SLC36A1: variants seen among roughly 807,000 people sequenced by gnomAD.
SLC36A1 encodes the protein proton-coupled amino acid transporter 1.
A neutral mutation model predicts 47.5 loss-of-function variants in SLC36A1; 30 were observed. The observed-to-expected ratio is 0.63, with a 90% CI of 0.47 to 0.86. The LOEUF (loss-of-function observed/expected upper bound fraction) is 0.86. Ranked by LOEUF, SLC36A1 falls within the 40% of genes least tolerant of loss-of-function variation. SLC36A1 has a pLI of 0.00. For missense variants in SLC36A1, 517 were observed against 606.0 expected (o/e 0.85, Z 1.54); for synonymous variants, 255 against 249.7 (o/e 1.02, Z -0.20).
the SLC36A1 span, chr5:151,549,283 C>T: frequency 1.2e-6 from 2 of 1,611,586 alleles, no homozygotes; most frequent in South Asian, 1.1e-5. Flanking sequence ...AGCTCATGGC[C>T]AGGCCTCTCA....
At chr5:151,495,951 A>G (rs992608346), downstream of SLC36A1, among the ~76,000 whole-genome samples, 43 of 152,200 alleles carry the variant, frequency 2.8e-4, no homozygotes, top group Non-Finnish European at 1.5e-5. Flanking sequence ...TTTAGTTATT[A>G]CAAATAAAGT....
the SLC36A1 span, chr5:151,537,833 A>T: frequency 6.2e-7 from 1 of 1,614,176 alleles, no homozygotes. Context: ...CCCCAGGGCC[A>T]TGCAGAGAAT....
chr5:151,413,081 A>C, the SLC36A1 span, among the ~76,000 whole-genome samples: 1 of 148,516 alleles, frequency 6.7e-6, no homozygotes, highest in African/African-American at 2.5e-5. Context: ...GAGGGCAGGA[A>C]CTTTATCTGA....
the SLC36A1 span, among the ~76,000 whole-genome samples, chr5:151,373,070 T>A: frequency 6.6e-6 from 1 of 151,366 alleles, no homozygotes; most frequent in Non-Finnish European, 1.5e-5. Flanking sequence ...ATAAAATAAA[T>A]ATTTGAAGAA....
chr5:151,469,206 T>C, intron 7 of SLC36A1: 1 of 696,218 alleles, frequency 1.4e-6, no homozygotes, highest in African/African-American at 1.7e-5. Context: ...GAGTCTCCTC[T>C]CAGGGACCCG....
chr5:151,496,686 G>C (rs991769667), downstream of SLC36A1, among the ~76,000 whole-genome samples: 5 of 152,174 alleles, frequency 3.3e-5, no homozygotes, highest in Non-Finnish European at 5.9e-5. Context: ...CTCTCGAGTA[G>C]CTGGGACTAC....
the SLC36A1 span, chr5:151,534,678 G>T: frequency 8.9e-6 from 14 of 1,568,066 alleles, no homozygotes; most frequent in Admixed American, 1.3e-4. Context: ...AGCTTTCTCT[G>T]GGGAAATATT....
chr5:151,433,287 T>A (rs1215172974), upstream of SLC36A1, among the ~76,000 whole-genome samples: 4 of 65,620 alleles, frequency 6.1e-5, no homozygotes, highest in African/African-American at 2.2e-4. Flanking sequence ...TTTTTTTTTT[T>A]TTTTTTTTTT....
At chr5:151,415,134 T>C in the SLC36A1 span, among the ~76,000 whole-genome samples, 37 of 152,280 alleles carry the variant, frequency 2.4e-4, no homozygotes, top group Middle Eastern at 3.4e-3. Context: ...TGACACTGAA[T>C]ACTCTGCTTG....
At chr5:151,436,049 G>T (rs1055703183), upstream of SLC36A1, among the ~76,000 whole-genome samples, 3 of 151,712 alleles carry the variant, frequency 2.0e-5, no homozygotes, top group Admixed American at 6.6e-5. Flanking sequence ...CACCTACTAT[G>T]TAATAGGCAA....
the SLC36A1 span, chr5:151,506,093 G>T: frequency 6.6e-7 from 1 of 1,513,802 alleles, no homozygotes; most frequent in Non-Finnish European, 8.8e-7. Context: ...CTCCGCCAGG[G>T]TACACTGAAA....
chr5:151,535,667 CG>C, the SLC36A1 span, among the ~76,000 whole-genome samples: 1 of 152,150 alleles, frequency 6.6e-6, no homozygotes, highest in African/African-American at 2.4e-5. Flanking sequence ...AAGAAGGAGT[CG>C]TGGGAGCCCC....
chr5:151,390,215 G>A, the SLC36A1 span, among the ~76,000 whole-genome samples: 1 of 152,166 alleles, frequency 6.6e-6, no homozygotes, highest in East Asian at 1.9e-4. Context: ...CTTCTTTTGA[G>A]AAGTGTCTGT....
chr5:151,386,429 G>A, the SLC36A1 span, among the ~76,000 whole-genome samples: 4 of 152,126 alleles, frequency 2.6e-5, no homozygotes, highest in South Asian at 2.1e-4. Context: ...CTCTAACTTG[G>A]TTAATGTCAT....
the SLC36A1 span, among the ~76,000 whole-genome samples, chr5:151,419,360 G>A: frequency 1.3e-5 from 2 of 152,170 alleles, no homozygotes; most frequent in Non-Finnish European, 2.9e-5. Context: ...TAGTAGGTTG[G>A]ATTCTAGCAG....
At chr5:151,377,347 CTTTTTTTTTTTTTT>C in the SLC36A1 span, among the ~76,000 whole-genome samples, 50 of 120,306 alleles carry the variant, frequency 4.2e-4, no homozygotes, top group African/African-American at 8.4e-4. Flanking sequence ...CTGTCTCTTT[CTTTTTTTTTTTTTT>C]TTTTTGAGAC....
the SLC36A1 span, among the ~76,000 whole-genome samples, chr5:151,377,274 T>C: frequency 1.8e-4 from 28 of 152,100 alleles, no homozygotes; most frequent in African/African-American, 6.5e-4. Context: ...GTTGATTTTC[T>C]GTCTCAGTGA....
chr5:151,537,747 T>C, the SLC36A1 span: 1 of 1,565,990 alleles, frequency 6.4e-7, no homozygotes, highest in Non-Finnish European at 8.7e-7. Flanking sequence ...CACTTGGTAT[T>C]CAGTAAAGAA....
the SLC36A1 span, chr5:151,553,112 A>C: frequency 6.6e-7 from 1 of 1,518,420 alleles, no homozygotes; most frequent in Admixed American, 1.7e-5. Context: ...TGTAGCAGGA[A>C]AACTAGAGCT....
Sources: allele counts gnomAD v4.1 joint callset (sites outside exome capture counted in the v4.1 genomes callset), GRCh38; gene constraint gnomAD v4.1.1; transcripts MANE v1.5; gene names NCBI Gene and HGNC (gene_info 2026-07-23, HGNC 2026-07-21).